Variants in LRRC53 observed in about 807,000 individuals in gnomAD.
LRRC53 encodes leucine rich repeat containing 53, also known as leucine-rich repeat-containing protein 53.
Under a neutral mutation model 13.6 loss-of-function variants are expected in LRRC53, and 25 were observed. The ratio of observed to expected loss-of-function variants is 1.83; its 90% CI spans 1.34 to 2.56. LRRC53 has a LOEUF of 2.56. Ranked by LOEUF, LRRC53 falls within the 30% of genes most tolerant of loss-of-function variation. The probability of loss-of-function intolerance (pLI) is 0.00; values close to 1 mark genes in which losing one functional copy is unlikely to be tolerated. For missense variants in LRRC53, 527 were observed against 275.8 expected, an observed-to-expected ratio of 1.91 and a Z score of -6.45; for synonymous variants, 204 against 109.8, an observed-to-expected ratio of 1.86 and a Z score of -5.37.
At chr1:74,484,554 A>G (rs906000482) in intron 1 of LRRC53, among the ~76,000 whole-genome samples, 1 of 152,234 alleles carries the variant, frequency 6.6e-6, no homozygotes, top group Non-Finnish European at 1.5e-5. Context: ...GGCTCTAAAT[A>G]TGGCAAACAA....
chr1:74,488,649 T>A (rs1668887657), intron 1 of LRRC53, among the ~76,000 whole-genome samples: 1 of 152,184 alleles, frequency 6.6e-6, no homozygotes, highest in African/African-American at 2.4e-5. Flanking sequence ...ACACAGAGGT[T>A]CATAATGGGC....
At chr1:74,529,572 G>T in the LRRC53 span, among the ~76,000 whole-genome samples, 1 of 152,198 alleles carries the variant, frequency 6.6e-6, no homozygotes, top group East Asian at 1.9e-4. Flanking sequence ...AACTTGAATG[G>T]CGTCTGAGAG....
chr1:74,524,905 A>G, the LRRC53 span, among the ~76,000 whole-genome samples: 9 of 152,200 alleles, frequency 5.9e-5, no homozygotes, highest in African/African-American at 2.2e-4. Flanking sequence ...GATTGTTTCT[A>G]AAAGGATTGC....
chr1:74,510,912 A>G (rs1410952765), intron 1 of LRRC53, among the ~76,000 whole-genome samples: 1 of 152,214 alleles, frequency 6.6e-6, no homozygotes, highest in East Asian at 1.9e-4. Context: ...TTTGAGACGA[A>G]GTCTCACTCT....
At chr1:74,522,511 G>T in the LRRC53 span, among the ~76,000 whole-genome samples, 7 of 152,062 alleles carry the variant, frequency 4.6e-5, no homozygotes, top group Non-Finnish European at 1.0e-4. Context: ...TTCTCCCCAC[G>T]CAGTATAGAA....
intron 1 of LRRC53, among the ~76,000 whole-genome samples, chr1:74,510,954 C>T (rs1308719997): frequency 6.6e-6 from 1 of 152,208 alleles, no homozygotes; most frequent in Non-Finnish European, 1.5e-5. Flanking sequence ...ATGGTGCGAT[C>T]TTGGCTCACT....
chr1:74,502,451 G>GA (rs1471465541), intron 1 of LRRC53, among the ~76,000 whole-genome samples: 5 of 152,276 alleles, frequency 3.3e-5, no homozygotes, highest in East Asian at 1.9e-4. Flanking sequence ...CTATTTAGTA[G>GA]AAAAAATGGT....
intron 1 of LRRC53, among the ~76,000 whole-genome samples, chr1:74,488,146 G>A (rs888926087): frequency 2.0e-5 from 3 of 152,142 alleles, no homozygotes; most frequent in Non-Finnish European, 2.9e-5. Context: ...AGAATGAGGG[G>A]GTGTGGCTAG....
intron 1 of LRRC53, among the ~76,000 whole-genome samples, chr1:74,506,806 C>T (rs766481217): frequency 3.9e-5 from 6 of 152,226 alleles, no homozygotes; most frequent in Middle Eastern, 3.4e-3. Flanking sequence ...TTTTTTCCTT[C>T]TCCAAGGTTG....
At chr1:74,530,463 A>C in the LRRC53 span, among the ~76,000 whole-genome samples, 1 of 152,194 alleles carries the variant, frequency 6.6e-6, no homozygotes. Flanking sequence ...AGTATCGAGT[A>C]GAGTCCCTGG....
In LRRC53 at chr1:74,480,260, T is replaced by G. The variant is rs1668416548; in HGVS notation, c.797A>C (p.Glu266Ala). Residue 266 changes from glutamate to alanine, a missense_variant, in exon 3 of 5, where the codon GAG becomes GCG. Coordinates refer to ENST00000294635, the MANE Select transcript of LRRC53 (RefSeq NM_001382280.1). ...AAAQSVLRLSETNCDSKAPNF... is the reference protein window; with the variant it reads ...AAAQSVLRLSATNCDSKAPNF... ...GGGAGCTTTGGAATCACAGTTGGTC[T>G]CAGACAGCCTCAGCACACTCTGTGC... 1.4e-6 allele frequency: 1 copy of G among 717,544 alleles called. No individual in the cohort carries two copies. Among genetic ancestry groups the G allele is most frequent in the African/African-American group, 1.7e-5 (1 of 57,390 alleles). 44.4% of individuals were successfully genotyped at this position (717,544 alleles called of 1,614,324 possible). A position where few individuals can be genotyped will look rare whatever the true frequency, so the allele number is the denominator to read the frequency against.
At position 74,490,639 on chromosome 1, in the gene LRRC53, C is replaced by A. The variant is rs138662865; in HGVS notation, c.-26-7264G>T. On this transcript the variant is annotated intron_variant, in intron 1 of 4. Transcript: ENST00000294635. ...GCACTAATTAACAGATGAGAGTCAG[C>A]CTAAAGAGGCTTGACTTGCGCAGTT... 5.3e-4 allele frequency among the ~76,000 whole-genome samples: 81 copies of A among 152,250 alleles called. No individual in the cohort carries two copies. In the East Asian group the frequency reaches 0.015, roughly 29 times the overall value.
In LRRC53 at chr1:74,512,508, A is replaced by G. The variant is rs1453430577; in HGVS notation, c.-27+18T>C. On this transcript the variant is annotated intron_variant, in intron 1 of 4. Coordinates refer to ENST00000294635, the MANE Select transcript of LRRC53 (RefSeq NM_001382280.1). ...CAGCCATCATAACAAAAACACCAAAAGAAAGAAATTAACTTACCCAAAGGT... is the reference window on the plus strand; with the variant it reads ...CAGCCATCATAACAAAAACACCAAAGGAAAGAAATTAACTTACCCAAAGGT... 6.6e-6 allele frequency: 1 copy of G among 152,228 alleles called. No individual in the cohort carries two copies. The highest frequency in any genetic ancestry group is 1.5e-5 in the Non-Finnish European group (1 of 68,048). The allele number at this position is 152,228 out of a possible 1,614,324, so 9.4% of individuals were successfully genotyped here.
chr1:74,474,109 G>T (rs1235421292), intron 4 of LRRC53, among the ~76,000 whole-genome samples: 1 of 152,114 alleles, frequency 6.6e-6, no homozygotes, highest in African/African-American at 2.4e-5. Context: ...TGTTCTCAGT[G>T]TGAAAACAAC....
the LRRC53 span, among the ~76,000 whole-genome samples, chr1:74,522,491 G>A: frequency 1.3e-5 from 2 of 152,090 alleles, no homozygotes; most frequent in South Asian, 2.1e-4. Context: ...AGTACGAGTT[G>A]CATGACTAAT....
chr1:74,504,638 TA>T (rs201485160), intron 1 of LRRC53, among the ~76,000 whole-genome samples: 32 of 152,054 alleles, frequency 2.1e-4, no homozygotes, highest in Middle Eastern at 3.4e-3. Context: ...TTGACACCTT[TA>T]AAAAAAATTT....
chr1:74,497,244 G>A (rs913453164), intron 1 of LRRC53, among the ~76,000 whole-genome samples: 5 of 152,128 alleles, frequency 3.3e-5, no homozygotes, highest in Admixed American at 1.3e-4. Context: ...CAAGGGGACC[G>A]TGTCCATTTG....
chr1:74,499,504 G>A (rs1382549910), intron 1 of LRRC53, among the ~76,000 whole-genome samples: 1 of 152,006 alleles, frequency 6.6e-6, no homozygotes, highest in Non-Finnish European at 1.5e-5. Flanking sequence ...ATCTCTCATT[G>A]TGCCTAATTT....
chr1:74,531,032 G>A, the LRRC53 span, among the ~76,000 whole-genome samples: 6 of 152,132 alleles, frequency 3.9e-5, no homozygotes, highest in Admixed American at 2.6e-4. Context: ...AAAAATGGGG[G>A]AAGCTGAGAC....
Sources: allele counts gnomAD v4.1 joint callset (sites outside exome capture counted in the v4.1 genomes callset), GRCh38; gene constraint gnomAD v4.1.1; transcripts MANE v1.5; gene names NCBI Gene and HGNC (gene_info 2026-07-23, HGNC 2026-07-21).